The following PNPLA7 variants were observed in gnomAD, a reference collection of about 807,000 sequenced individuals.
PNPLA7 encodes the protein patatin like domain 7, lysophospholipase.
In PNPLA7, 153 loss-of-function variants were observed where a neutral mutation model predicts 161.7. The observed-to-expected ratio is 0.95, with a 90% CI of 0.83 to 1.08. The LOEUF is 1.08. PNPLA7 is among the 50% of genes least tolerant of loss of function. The probability of loss-of-function intolerance (pLI) is 0.00; values close to 1 mark genes in which losing one functional copy is unlikely to be tolerated. For synonymous variants in PNPLA7, 809 were observed against 782.1 expected (o/e 1.03, Z -0.57); for missense variants, 1,739 against 1,856.6 (o/e 0.94, Z 1.16).
intron 14 of PNPLA7, among the ~76,000 whole-genome samples, chr9:137,503,086 A>G (rs1177514044): frequency 6.6e-6 from 1 of 152,064 alleles, no homozygotes; most frequent in Non-Finnish European, 1.5e-5. Context: ...AGTTGTTTAA[A>G]GAGAGAGAAG....
intron 22 of PNPLA7, 153 bp from the exon 23 acceptor site, chr9:137,480,633 G>A (rs769379455): frequency 2.0e-4 from 175 of 885,958 alleles, no homozygotes; most frequent in Non-Finnish European, 2.5e-4. Context: ...TTCGCAGTGA[G>A]TTATTCAGGG....
Position 137,550,315 on chromosome 9 carries a change from C to A in PNPLA7, c.-118G>T, listed in dbSNP as rs1285015666. Reference sequence around the variant, plus strand: ...ACTTTTCCCTGGGTTCCTTTCAAGTCAAATTATGTTTCACTGAAAGGAAAA... The same window carrying A: ...ACTTTTCCCTGGGTTCCTTTCAAGTAAAATTATGTTTCACTGAAAGGAAAA... On this transcript the variant is annotated 5_prime_UTR_variant, in exon 1 of 35. Coordinates refer to ENST00000406427, the MANE Select transcript of PNPLA7 (RefSeq NM_001098537.3). The A allele has an allele frequency of 5.3e-6, 6 of 1,122,442 alleles. No individual in the cohort carries two copies. Among genetic ancestry groups the A allele is most frequent in the South Asian group, 1.3e-5 (1 of 78,496 alleles). 69.5% of individuals were successfully genotyped at this position (1,122,442 alleles called of 1,614,324 possible).
At chr9:137,517,983 C>G (rs1834714031) in intron 11 of PNPLA7, among the ~76,000 whole-genome samples, 1 of 111,724 alleles carries the variant, frequency 9.0e-6, no homozygotes, top group Non-Finnish European at 1.8e-5. Context: ...CCATCCCCCA[C>G]TCACTCACTC....
intron 1 of PNPLA7, among the ~76,000 whole-genome samples, chr9:137,549,175 A>C (rs1393180455): frequency 6.6e-6 from 1 of 152,186 alleles, no homozygotes; most frequent in East Asian, 1.9e-4. Flanking sequence ...GTGGCTACAG[A>C]TGTTTGACTA....
chr9:137,471,469 G>C (rs1326055375), intron 25 of PNPLA7, among the ~76,000 whole-genome samples: 2 of 148,698 alleles, frequency 1.3e-5, no homozygotes, highest in East Asian at 1.9e-4. Context: ...CGTGGTGGCA[G>C]GCACCTGTAA....
intron 12 of PNPLA7, among the ~76,000 whole-genome samples, chr9:137,507,395 T>A (rs1004019222): frequency 1.3e-5 from 2 of 152,148 alleles, no homozygotes; most frequent in Admixed American, 6.6e-5. Flanking sequence ...AGCTAAATGA[T>A]AAAATTTCTC....
At chr9:137,471,419 T>C (rs1423020594) in intron 25 of PNPLA7, among the ~76,000 whole-genome samples, 2 of 151,904 alleles carry the variant, frequency 1.3e-5, no homozygotes, top group Admixed American at 6.6e-5. Context: ...GCCAAGATGG[T>C]GAAACCCCGT....
At chr9:137,479,839 G>T in intron 23 of PNPLA7, 1 of 985,448 alleles carries the variant, frequency 1.0e-6, no homozygotes, top group Non-Finnish European at 1.2e-6. Context: ...CCAGCGTCCC[G>T]AAGGTGCCTG....
At position 137,464,330 on chromosome 9, in the gene PNPLA7, G is replaced by A. The variant is rs1371733604; in HGVS notation, c.3156+10C>T. ...GGGGGCTGCATGGGCTCCTGAGGGT[G>A]GGGGTGCACCTCGATCTGCTGGTCC... On this transcript the variant is annotated intron_variant, in intron 27 of 34. Transcript: ENST00000406427. 3.1e-6 allele frequency: 5 copies of A among 1,611,656 alleles called. No individual in the cohort carries two copies. The highest frequency in any genetic ancestry group is 1.7e-5 in the Admixed American group (1 of 60,026).
intron 11 of PNPLA7, chr9:137,516,691 G>A (rs950789875): frequency 3.9e-5 from 8 of 205,770 alleles, no homozygotes; most frequent in East Asian, 3.7e-4. Context: ...GGTGGCATGC[G>A]CCTGTGGACC....
Position 137,478,120 on chromosome 9 carries a change from G to A in PNPLA7, c.2796C>T (p.Pro932=). The change falls in exon 25 of 35, where the codon CCC becomes CCT. Residue 932 remains proline (P), a synonymous_variant. Transcript: ENST00000406427. ...GGGAGAAGTCTGAGTGTCGGTCCGG[G>A]GGCCGCTGGAAGACATGCTTGTACA... ...VEMYKHVFQR[P]PDRHSDFSRL... 1 of 1,351,038 alleles carries A rather than the reference G, an allele frequency of 7.4e-7. No individual in the cohort carries two copies. Among genetic ancestry groups the A allele is most frequent in the South Asian group, 1.9e-5 (1 of 52,266 alleles). The allele number at this position is 1,351,038 out of a possible 1,614,324, so 83.7% of individuals were successfully genotyped here.
chr9:137,478,907 G>T, intron 24 of PNPLA7, 149 bp downstream of exon 24: 1 of 1,111,096 alleles, frequency 9.0e-7, no homozygotes, highest in Non-Finnish European at 1.2e-6. Context: ...AGATGAAGGA[G>T]ACGTGAGGCA....
chr9:137,529,226 C>T (rs1480744444), intron 8 of PNPLA7, among the ~76,000 whole-genome samples: 2 of 152,060 alleles, frequency 1.3e-5, no homozygotes, highest in Non-Finnish European at 2.9e-5. Context: ...AACTCCTGTG[C>T]TCAAGCAATC....
chr9:137,545,809 G>C (rs1275616783), intron 4 of PNPLA7, among the ~76,000 whole-genome samples: 1 of 152,226 alleles, frequency 6.6e-6, no homozygotes, highest in Non-Finnish European at 1.5e-5. Flanking sequence ...CCACCAGAGG[G>C]CTCCTTGGTC....
chr9:137,495,687 G>A (rs1378062233), intron 18 of PNPLA7, among the ~76,000 whole-genome samples: 3 of 152,096 alleles, frequency 2.0e-5, no homozygotes, highest in Non-Finnish European at 4.4e-5. Context: ...CTCATGGTCC[G>A]CCGCCTCGGC....
intron 8 of PNPLA7, among the ~76,000 whole-genome samples, chr9:137,530,576 C>T (rs1030227571): frequency 1.3e-5 from 2 of 152,218 alleles, no homozygotes; most frequent in Non-Finnish European, 2.9e-5. Context: ...AGTCTACTGG[C>T]TTTATTTTCG....
At chr9:137,511,607 G>A (rs1453024344) in intron 12 of PNPLA7, among the ~76,000 whole-genome samples, 1 of 152,194 alleles carries the variant, frequency 6.6e-6, no homozygotes, top group Non-Finnish European at 1.5e-5. Flanking sequence ...CTTTCCCTGG[G>A]AGAGTTAGCG....
At chr9:137,463,217 G>A in intron 29 of PNPLA7, 198 bp downstream of exon 29, 1 of 603,170 alleles carries the variant, frequency 1.7e-6, no homozygotes, top group Non-Finnish European at 2.9e-6. Context: ...CATGCTGCCG[G>A]TGCCTGCGTG....
intron 21 of PNPLA7, among the ~76,000 whole-genome samples, chr9:137,483,747 G>A (rs915321218): frequency 1.3e-5 from 2 of 152,050 alleles, no homozygotes; most frequent in Admixed American, 6.6e-5. Flanking sequence ...ATGAGCCACC[G>A]CACGTGGCTG....
Sources: gnomAD v4.1 joint callset for allele counts (sites outside exome capture counted in the v4.1 genomes callset) on GRCh38, gnomAD v4.1.1 for gene constraint, MANE v1.5 for transcripts, NCBI Gene and HGNC (gene_info 2026-07-23, HGNC 2026-07-21) for gene names.